Variants in CELF2 observed in about 807,000 individuals in gnomAD.
CELF2 encodes the protein CUGBP Elav-like family member 2.
CELF2 carries 8 observed loss-of-function variants against 62.6 expected under a neutral mutation model. The observed-to-expected ratio is 0.13, with a 90% confidence interval of 0.07 to 0.23. The LOEUF is 0.23. Among genes scored for constraint, CELF2 ranks in the 10% least tolerant of loss-of-function variants. The pLI is 1.00. For missense variants in CELF2, 333 were observed against 671.0 expected (o/e 0.50, Z 5.56); for synonymous variants, 258 against 250.0 (o/e 1.03, Z -0.30).
At chr10:10,675,051 T>C in the CELF2 span, among the ~76,000 whole-genome samples, 1 of 152,168 alleles carries the variant, frequency 6.6e-6, no homozygotes, top group East Asian at 1.9e-4. Flanking sequence ...AGAATAAATG[T>C]TTTTATTTTA....
rs1471645452 is a variant in CELF2, at chr10:11,178,954, G to A, written c.271+13272G>A. Among the ~76,000 whole-genome samples the A allele has an allele frequency of 6.6e-6, 1 of 152,190 alleles. No individual in the cohort carries two copies. Among genetic ancestry groups the A allele is most frequent in the Non-Finnish European group, 1.5e-5 (1 of 68,038 alleles). On this transcript the variant is annotated intron_variant, in intron 2 of 12. Transcript: ENST00000633077. This position sits in a 1 kb window ranked among gnomAD's most constrained non-coding sequence, Gnocchi z 4.3. Reference sequence around the variant, plus strand: ...AGTCAGGAAACCGTTAAACCACACTGCATCCTCTCTTGCCCTCTGGCCACT... The same window carrying A: ...AGTCAGGAAACCGTTAAACCACACTACATCCTCTCTTGCCCTCTGGCCACT...
chr10:10,776,046 T>C, the CELF2 span, among the ~76,000 whole-genome samples: 2 of 152,360 alleles, frequency 1.3e-5, no homozygotes, highest in Non-Finnish European at 1.5e-5. Context: ...AGAGGCATCA[T>C]TAATAGAAAC....
intron 2 of CELF2, among the ~76,000 whole-genome samples, chr10:10,998,274 G>C (rs538990971): frequency 6.6e-6 from 1 of 152,182 alleles, no homozygotes; most frequent in South Asian, 2.1e-4. Context: ...AGAGTCTTTA[G>C]TGTGAAATGC....
the CELF2 span, among the ~76,000 whole-genome samples, chr10:10,668,348 A>G: frequency 1.3e-3 from 205 of 152,252 alleles, no homozygotes; most frequent in Non-Finnish European, 2.5e-3. Flanking sequence ...TCTGTCAAGC[A>G]GGCTGAGCAA....
the CELF2 span, among the ~76,000 whole-genome samples, chr10:10,681,364 G>T: frequency 0.022 from 3,417 of 152,200 alleles, 97 homozygotes; most frequent in South Asian, 0.077. Context: ...CTCCAACCGA[G>T]ATGAAATCAA....
rs1211543110 is a variant in CELF2, at chr10:11,217,728, C to T, written c.354+221C>T. On this transcript the variant is annotated intron_variant, in intron 3 of 12. Coordinates refer to ENST00000633077, the MANE Select transcript of CELF2 (RefSeq NM_001326342.2). This position sits in a 1 kb window ranked among gnomAD's most constrained non-coding sequence, Gnocchi z 5.6. ...GGAAGCATTCTCAAATAGTGCATCCCCTGGTTAGAAAATCAGAGTGACCCC... is the reference window on the plus strand; with the variant it reads ...GGAAGCATTCTCAAATAGTGCATCCTCTGGTTAGAAAATCAGAGTGACCCC... 6.6e-6 allele frequency among the ~76,000 whole-genome samples: 1 copy of T among 152,108 alleles called. No homozygotes were observed. Among genetic ancestry groups the T allele is most frequent in the East Asian group, 1.9e-4 (1 of 5,194 alleles).
chr10:10,817,865 T>C (rs1421437415), intron 1 of CELF2, among the ~76,000 whole-genome samples: 1 of 152,200 alleles, frequency 6.6e-6, no homozygotes, highest in Non-Finnish European at 1.5e-5. Flanking sequence ...ATTTAATTTG[T>C]GTTTGAGGCC....
the CELF2 span, among the ~76,000 whole-genome samples, chr10:10,651,231 A>G: frequency 1.2e-4 from 16 of 130,404 alleles, 5 homozygotes; most frequent in Non-Finnish European, 2.2e-4. Flanking sequence ...TGCCCACAGA[A>G]TCTCGCTGAT....
Position 11,192,542 on chromosome 10 carries a change from C to T in CELF2, c.272-24883C>T, listed in dbSNP as rs536205917. ...CTGGGTTTCCTGGGAAGTCAGGCACCCTGCTCCTTCACCTCCCCATAACAG... is the reference window on the plus strand; with the variant it reads ...CTGGGTTTCCTGGGAAGTCAGGCACTCTGCTCCTTCACCTCCCCATAACAG... On this transcript the variant is annotated intron_variant, in intron 2 of 12. Transcript: ENST00000633077. 1.4e-3 allele frequency among the ~76,000 whole-genome samples: 210 copies of T among 152,316 alleles called. 3 individuals carry two copies. Among genetic ancestry groups the T allele is most frequent in the African/African-American group, 4.8e-3 (201 of 41,572 alleles).
chr10:10,921,247 G>T lies in CELF2; in HGVS notation c.89+1248G>T, dbSNP rs529135078. On this transcript the variant is annotated intron_variant, in intron 2 of 13. Coordinates refer to the CELF2 transcript ENST00000636488. The stretch of plus-strand genomic sequence containing the variant: ...TGGGATTACAGGCATGAACCACTGT[G>T]CCCGGCCAGGTGTTTGTTTTTTGTT... Among the ~76,000 whole-genome samples, 3 of 151,646 alleles carry T rather than the reference G, an allele frequency of 2.0e-5. No homozygotes were observed. In the South Asian group the frequency reaches 6.3e-4, roughly 32 times the overall value.
chr10:11,017,923 T>C lies in CELF2; in HGVS notation c.-167T>C, dbSNP rs2057524102. 1.0e-6 allele frequency: 1 copy of C among 981,544 alleles called. No individual in the cohort carries two copies. Among genetic ancestry groups the C allele is most frequent in the African/African-American group, 1.8e-5 (1 of 56,680 alleles). 60.8% of individuals were successfully genotyped at this position (981,544 alleles called of 1,614,324 possible). On this transcript the variant is annotated 5_prime_UTR_variant, in exon 1 of 13. Transcript: ENST00000633077. This position sits in a 1 kb window ranked among gnomAD's most constrained non-coding sequence, Gnocchi z 5.5. The stretch of plus-strand genomic sequence containing the variant: ...GGCAGCCGGCCGCCCCGGCGCTGGA[T>C]TTCGGAGGGGATTGGCGGAGCGCGA...
At chr10:10,830,083 A>AT (rs2057722218) in intron 1 of CELF2, among the ~76,000 whole-genome samples, 1 of 152,020 alleles carries the variant, frequency 6.6e-6, no homozygotes, top group African/African-American at 2.4e-5. Flanking sequence ...GAAAAGTTAA[A>AT]CTATAGGCAG....
At chr10:10,667,864 A>G in the CELF2 span, among the ~76,000 whole-genome samples, 1 of 152,322 alleles carries the variant, frequency 6.6e-6, no homozygotes, top group South Asian at 2.1e-4. Flanking sequence ...AGTGCATTGC[A>G]GCTTTTTACC....
intron 3 of CELF2, among the ~76,000 whole-genome samples, chr10:11,230,899 A>G (rs1214084191): frequency 6.6e-6 from 1 of 152,250 alleles, no homozygotes; most frequent in Non-Finnish European, 1.5e-5. Flanking sequence ...ATCGGAGTGT[A>G]GAGTCCTGCT....
the CELF2 span, among the ~76,000 whole-genome samples, chr10:10,588,684 G>A: frequency 1.3e-5 from 2 of 152,162 alleles, no homozygotes; most frequent in Non-Finnish European, 2.9e-5. Flanking sequence ...AAGTATATGA[G>A]ATTTACATTT....
chr10:10,816,904 G>A (rs918860060), intron 1 of CELF2, among the ~76,000 whole-genome samples: 33 of 152,172 alleles, frequency 2.2e-4, no homozygotes, highest in African/African-American at 7.7e-4. Flanking sequence ...GATAAAATAT[G>A]CAAATATGCA....
At chr10:11,174,974 G>T (rs962146784) in intron 2 of CELF2, among the ~76,000 whole-genome samples, 28 of 152,226 alleles carry the variant, frequency 1.8e-4, no homozygotes, top group African/African-American at 6.0e-4. Flanking sequence ...TCTGTGTAGG[G>T]GATGCCTTAG....
At chr10:10,753,497 G>T in the CELF2 span, among the ~76,000 whole-genome samples, 1 of 152,038 alleles carries the variant, frequency 6.6e-6, no homozygotes, top group Non-Finnish European at 1.5e-5. Context: ...TTGCTCCCTG[G>T]TATCATTGCG....
the CELF2 span, among the ~76,000 whole-genome samples, chr10:10,630,099 C>A: frequency 6.6e-6 from 1 of 152,020 alleles, no homozygotes; most frequent in African/African-American, 2.4e-5. Flanking sequence ...TTTTCTCAAC[C>A]CATCGCCCAC....
Sources: allele counts gnomAD v4.1 joint callset (sites outside exome capture counted in the v4.1 genomes callset), GRCh38; gene constraint gnomAD v4.1.1; non-coding constraint Gnocchi (gnomAD v3.1); transcripts MANE v1.5; gene names NCBI Gene and HGNC (gene_info 2026-07-23, HGNC 2026-07-21).